PIBF1: variants seen among roughly 807,000 people sequenced by gnomAD.
The protein encoded by PIBF1 is progesterone-induced-blocking factor 1.
A neutral mutation model predicts 112.5 loss-of-function variants in PIBF1; 90 were observed. That is an observed-to-expected ratio of 0.80 (90% CI 0.67 to 0.95). PIBF1 has a LOEUF of 0.95. Ranked by LOEUF, PIBF1 falls within the 40% of genes least tolerant of loss-of-function variation. The pLI is 0.00. For synonymous variants in PIBF1, 301 were observed against 288.6 expected, an observed-to-expected ratio of 1.04 and a Z score of -0.44; for missense variants, 915 against 852.3, an observed-to-expected ratio of 1.07 and a Z score of -0.92.
intron 5 of PIBF1, among the ~76,000 whole-genome samples, chr13:72,801,833 A>G (rs531576932): frequency 6.6e-6 from 1 of 152,346 alleles, no homozygotes; most frequent in Admixed American, 6.5e-5. Context: ...AAGTGTCACC[A>G]GTGATGCTGG....
chr13:72,955,628 C>T (rs949532105), intron 14 of PIBF1, among the ~76,000 whole-genome samples: 2 of 152,070 alleles, frequency 1.3e-5, no homozygotes, highest in Non-Finnish European at 2.9e-5. Context: ...CACACACACA[C>T]ATCCCAATCA....
chr13:72,929,541 A>G (rs1410333447), intron 13 of PIBF1, among the ~76,000 whole-genome samples: 1 of 152,130 alleles, frequency 6.6e-6, no homozygotes, highest in Non-Finnish European at 1.5e-5. Flanking sequence ...AGATAATGAA[A>G]ATGCTCTAAA....
At chr13:72,838,137 A>G (rs1404482034) in intron 9 of PIBF1, among the ~76,000 whole-genome samples, 1 of 152,250 alleles carries the variant, frequency 6.6e-6, no homozygotes, top group Non-Finnish European at 1.5e-5. Context: ...TTTCAGAGCA[A>G]TAAATTAATG....
chr13:72,998,900 G>A lies in PIBF1; in HGVS notation c.2128G>A (p.Glu710Lys), dbSNP rs372254587. ...GAACAGCTTACTTCTCACTAAAACA[G>A]AACCAAAACATGTGACAGAAAATCA... ...SENSLLLTKTEPKHVTENQKS... is the reference protein window; with the variant it reads ...SENSLLLTKTKPKHVTENQKS... Residue 710 changes from glutamate (E) to lysine (K), a missense_variant, in exon 17 of 18, where the codon GAA becomes AAA. Transcript: ENST00000326291. 1 of 1,612,134 alleles carries A rather than the reference G, an allele frequency of 6.2e-7. No homozygotes were observed. Among genetic ancestry groups the A allele is most frequent in the Non-Finnish European group, 8.5e-7 (1 of 1,178,680 alleles).
chr13:72,789,272 A>G (rs1014196527), intron 2 of PIBF1, among the ~76,000 whole-genome samples: 4 of 152,002 alleles, frequency 2.6e-5, no homozygotes, highest in African/African-American at 9.7e-5. Flanking sequence ...GCAGCCTCAA[A>G]TTACTGGGCT....
intron 10 of PIBF1, among the ~76,000 whole-genome samples, chr13:72,881,365 A>C (rs1840758309): frequency 6.6e-6 from 1 of 152,234 alleles, no homozygotes. Flanking sequence ...TCCGAAAAAT[A>C]AATTAAGAAA....
rs1178019485 is a variant in PIBF1, at chr13:72,821,874, A to G, written c.698A>G (p.Tyr233Cys). 1.2e-6 allele frequency: 2 copies of G among 1,612,302 alleles called. No individual in the cohort carries two copies. The highest frequency in any genetic ancestry group is 1.3e-5 in the African/African-American group (1 of 74,850). ...TETYEEDRKN[Y>C]SEVQIRCQRL... ...ACATATGAGGAAGATCGAAAAAACT[A>G]CTCTGAAGTTCAAATTAGATGTCAA... The change falls in exon 6 of 18, where the codon TAC becomes TGC. Residue 233 changes from tyrosine to cysteine, a missense_variant. Physicochemically the swap from Tyr to Cys is radical, Grantham distance 194 (BLOSUM62 -2). Transcript: ENST00000326291.
intron 4 of PIBF1, among the ~76,000 whole-genome samples, chr13:72,796,620 A>ATAAAATGAAG (rs1188345175): frequency 1.1e-4 from 17 of 150,846 alleles, no homozygotes; most frequent in Admixed American, 1.1e-3. Context: ...GTGATGTCTG[A>ATAAAATGAAG]TAAAATGAAG....
In PIBF1 at chr13:72,884,006, A is replaced by G. The variant is rs141353843; in HGVS notation, c.1323-9778A>G. ...AATTGGATTGTTTGTAACACAAAAG[A>G]TAAATCCTTGAAGTAATGGATACCT... On this transcript the variant is annotated intron_variant, in intron 10 of 17. Coordinates refer to ENST00000326291, the MANE Select transcript of PIBF1 (RefSeq NM_006346.4). Among the ~76,000 whole-genome samples, 1,319 of 152,302 alleles carry G rather than the reference A, an allele frequency of 8.7e-3. 64 individuals are homozygous for G. Among genetic ancestry groups the G allele is most frequent in the East Asian group, 9.7e-3 (50 of 5,178 alleles).
chr13:72,958,072 G>A (rs548721078), intron 14 of PIBF1, among the ~76,000 whole-genome samples: 5 of 151,916 alleles, frequency 3.3e-5, no homozygotes, highest in African/African-American at 9.6e-5. Context: ...GTTTGAGGCT[G>A]AAATGCCACC....
chr13:72,840,474 A>G (rs1238092141), intron 9 of PIBF1, among the ~76,000 whole-genome samples: 1 of 151,370 alleles, frequency 6.6e-6, no homozygotes, highest in Non-Finnish European at 1.5e-5. Context: ...TGGATGAAGT[A>G]CTTACACTTG....
At chr13:72,882,290 T>A (rs193064216) in intron 10 of PIBF1, among the ~76,000 whole-genome samples, 17 of 152,212 alleles carry the variant, frequency 1.1e-4, no homozygotes, top group African/African-American at 4.1e-4. Flanking sequence ...AAGGGTAAAA[T>A]CAAAATGGGT....
intron 10 of PIBF1, among the ~76,000 whole-genome samples, chr13:72,870,077 A>G (rs2039100502): frequency 6.6e-6 from 1 of 152,144 alleles, no homozygotes; most frequent in African/African-American, 2.4e-5. Context: ...TTCCCACATA[A>G]TTGTACATGA....
chr13:72,878,412 A>T (rs1304407237), intron 10 of PIBF1, among the ~76,000 whole-genome samples: 5 of 152,068 alleles, frequency 3.3e-5, no homozygotes, highest in Admixed American at 3.3e-4. Context: ...TTAGAAGTGT[A>T]TTGTTTAATA....
At chr13:72,936,461 A>G (rs1337696102) in intron 14 of PIBF1, among the ~76,000 whole-genome samples, 2 of 152,114 alleles carry the variant, frequency 1.3e-5, no homozygotes, top group Admixed American at 1.3e-4. Context: ...GGTTTTGTCT[A>G]TTTTTAATTC....
intron 10 of PIBF1, among the ~76,000 whole-genome samples, chr13:72,867,834 T>G (rs1007169260): frequency 1.3e-5 from 2 of 152,230 alleles, no homozygotes; most frequent in Non-Finnish European, 2.9e-5. Context: ...TAGCAAAGCT[T>G]AATTAGACAG....
At position 72,840,685 on chromosome 13, in the gene PIBF1, G is replaced by T. The variant is rs1397526117; in HGVS notation, c.1223+5317G>T. 3.9e-5 allele frequency among the ~76,000 whole-genome samples: 6 copies of T among 151,962 alleles called. No individual in the cohort carries two copies. In the East Asian group the frequency reaches 1.2e-3, roughly 30 times the overall value. The stretch of plus-strand genomic sequence containing the variant: ...ATTACAGGTTCGCGCCACCACGCCC[G>T]GCTAATTTTCATATTTTTAGTACGG... On this transcript the variant is annotated intron_variant, in intron 9 of 17. Coordinates refer to ENST00000326291, the MANE Select transcript of PIBF1 (RefSeq NM_006346.4).
At chr13:72,943,612 T>C (rs1417695962) in intron 14 of PIBF1, among the ~76,000 whole-genome samples, 4 of 152,218 alleles carry the variant, frequency 2.6e-5, no homozygotes, top group Admixed American at 6.5e-5. Context: ...AGATGGCCAA[T>C]TTGATTCTAA....
At chr13:72,940,547 T>C (rs7320908) in intron 14 of PIBF1, among the ~76,000 whole-genome samples, 117,731 of 152,102 alleles carry the variant, frequency 0.77, 45,880 homozygotes, top group South Asian at 0.85. Flanking sequence ...TCTTTGCATA[T>C]GTAGTAATTA....
Sources: allele counts gnomAD v4.1 joint callset (sites outside exome capture counted in the v4.1 genomes callset), GRCh38; gene constraint gnomAD v4.1.1; transcripts MANE v1.5; gene names NCBI Gene and HGNC (gene_info 2026-07-23, HGNC 2026-07-21).